TMEM245: variants seen among roughly 807,000 people sequenced by gnomAD.
TMEM245 encodes the protein transmembrane protein 245, also known as protein CG-2.
A neutral mutation model predicts 101.2 loss-of-function variants in TMEM245; 69 were observed. The ratio of observed to expected loss-of-function variants is 0.68; its 90% CI spans 0.56 to 0.83. The LOEUF (loss-of-function observed/expected upper bound fraction) is 0.83. Ranked by LOEUF, TMEM245 falls within the 40% of genes least tolerant of loss-of-function variation. The pLI, the probability that TMEM245 is intolerant of heterozygous loss-of-function variation, is 0.00. For synonymous variants in TMEM245, 537 were observed against 449.8 expected (o/e 1.19, Z -2.45); for missense variants, 1,075 against 1,092.8 (o/e 0.98, Z 0.23).
At position 109,080,937 on chromosome 9, in the gene TMEM245, T is replaced by A. The variant is rs1465997324; in HGVS notation, c.1351A>T (p.Ile451Phe). The change falls in exon 8 of 18, where the codon ATC becomes TTC. Residue 451 changes from isoleucine (I) to phenylalanine (F), a missense_variant. Coordinates refer to ENST00000374586, the MANE Select transcript of TMEM245 (RefSeq NM_032012.4). ...LWHWLNKKMIIWLEKMLDKII... is the reference protein window; with the variant it reads ...LWHWLNKKMIFWLEKMLDKII... ...TTATCTAACATCTTCTCCAACCAGA[T>A]GATCATCTGCACAAAAACGAAAAAG... The A allele has an allele frequency of 1.3e-6, 2 of 1,593,402 alleles. No individual in the cohort carries two copies. The highest frequency in any genetic ancestry group is 4.5e-5 in the East Asian group (2 of 44,602).
chr9:109,052,205 G>A (rs1828707211), intron 12 of TMEM245, among the ~76,000 whole-genome samples: 1 of 152,084 alleles, frequency 6.6e-6, no homozygotes, highest in Non-Finnish European at 1.5e-5. Flanking sequence ...AAAACAAAAT[G>A]ACCAGAAAAA....
At position 109,119,751 on chromosome 9, in the gene TMEM245, A is replaced by G; in HGVS notation, c.163T>C (p.Tyr55His). The change falls in exon 1 of 18, where the codon TAC becomes CAC. Residue 55 changes from tyrosine (Y) to histidine (H), a missense_variant. Tyr to His is a moderately conservative substitution (Grantham distance 83). Transcript: ENST00000374586. ...RFDKPIKQAF[Y>H]NTGAVLFVCL... ...ACGAACAGCACGGCCCCGGTGTTGT[A>G]GAAGGCCTGCTTAATGGGCTTGTCG... 1 of 1,521,632 alleles carries G rather than the reference A, an allele frequency of 6.6e-7. No homozygotes were observed. Among genetic ancestry groups the G allele is most frequent in the Non-Finnish European group, 8.8e-7 (1 of 1,140,424 alleles). 94.3% of individuals were successfully genotyped at this position (1,521,632 alleles called of 1,614,324 possible).
At chr9:109,048,175 A>G (rs1220878084) in intron 14 of TMEM245, among the ~76,000 whole-genome samples, 1 of 152,170 alleles carries the variant, frequency 6.6e-6, no homozygotes, top group Non-Finnish European at 1.5e-5. Flanking sequence ...GACACTATAC[A>G]GGTGTTAAGA....
chr9:109,091,274 T>A, intron 4 of TMEM245, 119 bp from the exon 5 acceptor site: 1 of 843,330 alleles, frequency 1.2e-6, no homozygotes, highest in Admixed American at 3.0e-5. Flanking sequence ...TATGGTATGA[T>A]TACATCGGGT....
intron 10 of TMEM245, 67 bp from the exon 11 acceptor site, chr9:109,060,519 G>A (rs888438444): frequency 9.3e-7 from 1 of 1,075,430 alleles, no homozygotes; most frequent in Non-Finnish European, 1.4e-6. Context: ...ATTAATATAT[G>A]CTGGGTATTT....
rs1828634970 is a variant in TMEM245 at position 109,050,306 on chromosome 9, G to A, written c.2100C>T (p.Gly700=). The A allele has an allele frequency of 1.2e-6, 2 of 1,614,058 alleles. No individual in the cohort carries two copies. The highest frequency in any genetic ancestry group is 1.7e-6 in the Non-Finnish European group (2 of 1,179,998). ...SQPGPSSNII[G]QSVEEAIRGV... ...ACCTGATAGCTTCTTCCACAGACTGGCCAATAATATTAGAAGAAGGACCTG... is the reference window on the plus strand; with the variant it reads ...ACCTGATAGCTTCTTCCACAGACTGACCAATAATATTAGAAGAAGGACCTG... Residue 700 remains glycine (G), a synonymous_variant, in exon 14 of 18, where the codon GGC becomes GGT. Coordinates refer to ENST00000374586, the MANE Select transcript of TMEM245 (RefSeq NM_032012.4).
intron 12 of TMEM245, among the ~76,000 whole-genome samples, chr9:109,056,607 T>A (rs2132417064): frequency 6.6e-6 from 1 of 151,972 alleles, no homozygotes; most frequent in East Asian, 1.9e-4. Flanking sequence ...CAGAATGAAC[T>A]CCGTCTCAAA....
At position 109,019,582 on chromosome 9, in the gene TMEM245, A is replaced by C. The variant is rs892079083; in HGVS notation, c.*878T>G. On this transcript the variant is annotated 3_prime_UTR_variant, in exon 18 of 18. Transcript: ENST00000374586. ...GATGGGAAAATACTACATAAATACA[A>C]AATTCTGCTGAAAACTAACTTATTG... 21 of 152,284 alleles carry C rather than the reference A, an allele frequency of 1.4e-4. No homozygotes were observed. Among genetic ancestry groups the C allele is most frequent in the Admixed American group, 5.2e-4 (8 of 15,290 alleles). The allele number at this position is 152,284 out of a possible 1,614,324, so 9.4% of individuals were successfully genotyped here. A position where few individuals can be genotyped will look rare whatever the true frequency, so the allele number is the denominator to read the frequency against.
intron 3 of TMEM245, among the ~76,000 whole-genome samples, chr9:109,100,390 T>C (rs1449377386): frequency 1.3e-5 from 2 of 152,156 alleles, no homozygotes; most frequent in Admixed American, 1.3e-4. Context: ...GTGGCATGAT[T>C]ACTACTCACT....
intron 17 of TMEM245, among the ~76,000 whole-genome samples, chr9:109,028,998 G>A (rs1332549617): frequency 6.6e-6 from 1 of 152,088 alleles, no homozygotes; most frequent in Non-Finnish European, 1.5e-5. Context: ...TGCTAAATGT[G>A]TAATCTGTTA....
intron 8 of TMEM245, among the ~76,000 whole-genome samples, chr9:109,079,366 C>T (rs1468466319): frequency 1.3e-5 from 2 of 151,764 alleles, no homozygotes; most frequent in African/African-American, 4.8e-5. Flanking sequence ...GATCCTGAGA[C>T]TTTCCATTTG....
Position 109,032,898 on chromosome 9 carries a change from A to C in TMEM245, c.2594+409T>G, listed in dbSNP as rs535353506. Among the ~76,000 whole-genome samples the C allele has an allele frequency of 5.4e-5, 8 of 149,264 alleles. No individual in the cohort carries two copies. The South Asian group carries it at 1.5e-3, about 28-fold the overall frequency. ...ACTGCAGCCTCCGCCTCCTGGGTTC[A>C]AGCAATTCTTCTGCCTCAGCCTCCC... On this transcript the variant is annotated intron_variant, in intron 17 of 17. Transcript: ENST00000374586.
chr9:109,032,257 T>C (rs1442664695), intron 17 of TMEM245, among the ~76,000 whole-genome samples: 1 of 152,000 alleles, frequency 6.6e-6, no homozygotes, highest in Non-Finnish European at 1.5e-5. Context: ...ATTTAACATA[T>C]GGTCCATGTT....
chr9:109,112,669 C>CA (rs1830597769), intron 1 of TMEM245, among the ~76,000 whole-genome samples: 1 of 151,778 alleles, frequency 6.6e-6, no homozygotes, highest in African/African-American at 2.4e-5. Context: ...TTTTAAAAAA[C>CA]AAAAAACAAA....
chr9:109,071,873 T>A (rs1199424238), intron 9 of TMEM245, among the ~76,000 whole-genome samples: 1 of 152,124 alleles, frequency 6.6e-6, no homozygotes, highest in East Asian at 1.9e-4. Context: ...AGAAGCCAAA[T>A]TACACAGAGA....
intron 3 of TMEM245, among the ~76,000 whole-genome samples, chr9:109,097,302 G>A (rs1013566995): frequency 2.6e-5 from 4 of 152,296 alleles, no homozygotes; most frequent in East Asian, 1.9e-4. Context: ...AAAAGCAGAG[G>A]TGCCCTCTTC....
chr9:109,057,214 C>A lies in TMEM245; in HGVS notation c.1831G>T (p.Glu611Ter). 1 of 1,613,844 alleles carries A rather than the reference C, an allele frequency of 6.2e-7. No homozygotes were observed. The change falls in exon 12 of 18, where the codon GAG becomes TAG. Residue 611 changes from glutamate (E) to a stop codon, truncating the protein, a stop_gained. Coordinates refer to ENST00000374586, the MANE Select transcript of TMEM245 (RefSeq NM_032012.4). LOFTEE classifies it high-confidence loss of function. ...DWQDIVSFVHENIETFLSILE... is the reference protein window; with the variant it reads ...DWQDIVSFVH Reference sequence around the variant, plus strand: ...ACCGAAAGAAATGTCTCAATGTTCTCGTGAACAAAGGAAACAATATCCTGC... The same window carrying A: ...ACCGAAAGAAATGTCTCAATGTTCTAGTGAACAAAGGAAACAATATCCTGC...
At chr9:109,047,428 T>C (rs1828532606) in intron 14 of TMEM245, among the ~76,000 whole-genome samples, 1 of 152,158 alleles carries the variant, frequency 6.6e-6, no homozygotes, top group South Asian at 2.1e-4. Flanking sequence ...CCCTCTTATG[T>C]CCACAAATAT....
intron 4 of TMEM245, 23 bp from the exon 5 acceptor site, chr9:109,091,178 C>T (rs1210504192): frequency 1.3e-6 from 2 of 1,593,930 alleles, no homozygotes; most frequent in South Asian, 2.2e-5. Flanking sequence ...AGAAAAACAC[C>T]ACACACCGCA....
Sources: gnomAD v4.1 joint callset for allele counts (sites outside exome capture counted in the v4.1 genomes callset) on GRCh38, gnomAD v4.1.1 for gene constraint, MANE v1.5 for transcripts, NCBI Gene and HGNC (gene_info 2026-07-23, HGNC 2026-07-21) for gene names.